SETBP1: variants seen among roughly 807,000 people sequenced by gnomAD.
The protein encoded by SETBP1 is SET binding protein 1.
SETBP1 carries 9 observed loss-of-function variants against 101.0 expected under a neutral mutation model. The observed-to-expected ratio is 0.09, with a 90% CI of 0.05 to 0.16. SETBP1 has a LOEUF of 0.16. SETBP1 is among the 10% of genes least tolerant of loss of function. The probability of loss-of-function intolerance (pLI) is 1.00; values close to 1 mark genes in which losing one functional copy is unlikely to be tolerated. For missense variants in SETBP1, 1,858 were observed against 2,033.8 expected (o/e 0.91, Z 1.66); for synonymous variants, 818 against 788.5 (o/e 1.04, Z -0.63).
intron 3 of SETBP1, among the ~76,000 whole-genome samples, chr18:44,904,803 G>T (rs2070134729): frequency 6.6e-6 from 1 of 152,094 alleles, no homozygotes; most frequent in African/African-American, 2.4e-5. Context: ...TTATCTTCTT[G>T]CATCAAGTTG....
intron 4 of SETBP1, among the ~76,000 whole-genome samples, chr18:44,991,931 G>A (rs549695314): frequency 6.6e-6 from 1 of 152,162 alleles, no homozygotes; most frequent in Non-Finnish European, 1.5e-5. Context: ...CATAGAGATT[G>A]TATTCTCTAA....
At position 44,869,378 on chromosome 18, in the gene SETBP1, G is replaced by A. The variant is rs542066073; in HGVS notation, c.540+95G>A. The A allele has an allele frequency of 6.4e-5, 74 of 1,150,968 alleles. No homozygotes were observed. The African/African-American group carries it at 8.8e-4, about 14-fold the overall frequency. 71.3% of individuals were successfully genotyped at this position (1,150,968 alleles called of 1,614,324 possible). ...ACCTTTGGGGCCAGGACAGAAACCC[G>A]AACCTTGGATTTCTAGCTTCTTTCC... On this transcript the variant is annotated intron_variant, in intron 3 of 5. Transcript: ENST00000649279.
intron 5 of SETBP1, 87 bp from the exon 6 acceptor site, chr18:45,062,991 CA>C: frequency 6.4e-7 from 1 of 1,562,964 alleles, no homozygotes. Flanking sequence ...TCTTTATAGC[CA>C]AGTAGAATGC....
At position 44,848,072 on chromosome 18, in the gene SETBP1, GGTGTGTGT is replaced by G. The variant is rs4024595; in HGVS notation, c.487-21133_487-21126del. On this transcript the variant is annotated intron_variant, in intron 2 of 5. Coordinates refer to ENST00000649279, the MANE Select transcript of SETBP1 (RefSeq NM_015559.3). ...TTAATTAACATCTCTACTCTCTGAA[GGTGTGTGT>G]GTGTGTGTGTGTGTGTGTGTGTGTA... 1.0e-2 allele frequency among the ~76,000 whole-genome samples: 1,479 copies of G among 148,414 alleles called. 23 individuals carry two copies. Among genetic ancestry groups the G allele is most frequent in the Admixed American group, 0.041 (609 of 14,886 alleles).
At chr18:44,840,276 G>A (rs941955750) in intron 2 of SETBP1, among the ~76,000 whole-genome samples, 2 of 152,194 alleles carry the variant, frequency 1.3e-5, no homozygotes, top group Non-Finnish European at 2.9e-5. Flanking sequence ...GTTTCTCGCA[G>A]CCAATGAGCC....
intron 2 of SETBP1, among the ~76,000 whole-genome samples, chr18:44,761,393 C>T (rs552235347): frequency 6.6e-6 from 1 of 152,304 alleles, no homozygotes; most frequent in East Asian, 1.9e-4. Context: ...TAACTTTGTA[C>T]CCATTGGCCA....
intron 2 of SETBP1, chr18:44,733,342 G>A (rs893044079): frequency 3.9e-5 from 6 of 152,224 alleles, no homozygotes; most frequent in Non-Finnish European, 8.8e-5. Context: ...CCCCAAATGT[G>A]ATAGCCACTC....
chr18:44,913,975 T>C (rs2070371549), intron 3 of SETBP1, among the ~76,000 whole-genome samples: 1 of 152,188 alleles, frequency 6.6e-6, no homozygotes, highest in South Asian at 2.1e-4. Flanking sequence ...AGCCAAATAA[T>C]AATAATAATA....
chr18:45,001,602 G>A (rs2072619948), intron 4 of SETBP1, among the ~76,000 whole-genome samples: 1 of 152,166 alleles, frequency 6.6e-6, no homozygotes. Flanking sequence ...TTGAGGAGGA[G>A]CAGCAGGAAG....
chr18:45,035,507 C>G lies in SETBP1; in HGVS notation c.4001-2978C>G, dbSNP rs565986082. The stretch of plus-strand genomic sequence containing the variant: ...CAAGAGAGATCTGATTGGATCAACT[C>G]TAATGAATTGATGTGGACTGAGACT... On this transcript the variant is annotated intron_variant, in intron 4 of 5. Transcript: ENST00000649279. Among the ~76,000 whole-genome samples the G allele has an allele frequency of 2.8e-4, 43 of 152,298 alleles. 1 individual carries two copies. In the South Asian group the frequency reaches 8.7e-3, roughly 31 times the overall value.
chr18:44,895,801 T>A (rs1317797440), intron 3 of SETBP1, among the ~76,000 whole-genome samples: 6 of 152,198 alleles, frequency 3.9e-5, no homozygotes, highest in Non-Finnish European at 7.4e-5. Context: ...TCAGGAAAAA[T>A]TAAATATTTT....
At chr18:44,833,973 T>G (rs149743370) in intron 2 of SETBP1, among the ~76,000 whole-genome samples, 9 of 152,172 alleles carry the variant, frequency 5.9e-5, no homozygotes, top group Non-Finnish European at 8.8e-5. Flanking sequence ...TGATTGAAAA[T>G]TTTAACGTAG....
intron 2 of SETBP1, among the ~76,000 whole-genome samples, chr18:44,765,120 G>A (rs895001442): frequency 6.6e-6 from 1 of 152,128 alleles, no homozygotes; most frequent in African/African-American, 2.4e-5. Flanking sequence ...AGGTTTTGCC[G>A]CAAACAAGCT....
At chr18:45,059,133 C>A (rs1442821828) in intron 5 of SETBP1, among the ~76,000 whole-genome samples, 2 of 152,102 alleles carry the variant, frequency 1.3e-5, no homozygotes. Flanking sequence ...CATTAATAAA[C>A]CTCATGTACC....
chr18:44,775,815 C>T (rs971205417), intron 2 of SETBP1, among the ~76,000 whole-genome samples: 5 of 151,842 alleles, frequency 3.3e-5, no homozygotes, highest in African/African-American at 4.8e-5. Context: ...CCTTAAGGGC[C>T]GTCTCACTCA....
intron 2 of SETBP1, among the ~76,000 whole-genome samples, chr18:44,862,523 C>T (rs985014670): frequency 6.6e-6 from 1 of 152,192 alleles, no homozygotes; most frequent in Non-Finnish European, 1.5e-5. Context: ...ACTGCCACCC[C>T]CACCCCAATG....
intron 3 of SETBP1, among the ~76,000 whole-genome samples, chr18:44,908,251 G>A (rs911465328): frequency 3.3e-5 from 5 of 151,874 alleles, no homozygotes; most frequent in Non-Finnish European, 7.4e-5. Flanking sequence ...AGTGGAGACA[G>A]GGTTTCACCA....
chr18:44,872,547 C>T (rs1173495477), intron 3 of SETBP1, among the ~76,000 whole-genome samples: 1 of 152,222 alleles, frequency 6.6e-6, no homozygotes, highest in Non-Finnish European at 1.5e-5. Context: ...TGCTGGACAA[C>T]CCATTCCTTT....
chr18:44,713,761 T>G (rs2069397133), intron 2 of SETBP1, among the ~76,000 whole-genome samples: 1 of 152,248 alleles, frequency 6.6e-6, no homozygotes, highest in African/African-American at 2.4e-5. Context: ...CTGTACAAAT[T>G]ATCACATCCG....
Sources: gnomAD v4.1 joint callset for allele counts (sites outside exome capture counted in the v4.1 genomes callset) on GRCh38, gnomAD v4.1.1 for gene constraint, MANE v1.5 for transcripts, NCBI Gene and HGNC (gene_info 2026-07-23, HGNC 2026-07-21) for gene names.